WDR7: variants seen among roughly 807,000 people sequenced by gnomAD.
WDR7 encodes the protein WD repeat-containing protein 7.
In WDR7, 46 loss-of-function variants were observed where a neutral mutation model predicts 169.4. That is an observed-to-expected ratio of 0.27 (90% CI 0.21 to 0.35). The LOEUF (loss-of-function observed/expected upper bound fraction) is 0.35. WDR7 is among the 10% of genes least tolerant of loss of function. The pLI is 1.00. For missense variants in WDR7, 1,534 were observed against 1,859.3 expected (o/e 0.83, Z 3.22); for synonymous variants, 612 against 666.8 (o/e 0.92, Z 1.27).
chr18:56,843,923 T>G (rs565355386), intron 20 of WDR7, among the ~76,000 whole-genome samples: 16 of 150,712 alleles, frequency 1.1e-4, no homozygotes, highest in Non-Finnish European at 1.0e-4. Flanking sequence ...AGTGCAGTGG[T>G]ACAATCTTGG....
At chr18:56,768,235 C>A (rs376072605) in intron 16 of WDR7, among the ~76,000 whole-genome samples, 2 of 151,996 alleles carry the variant, frequency 1.3e-5, no homozygotes, top group Non-Finnish European at 2.9e-5. Context: ...GCAGTGAAGG[C>A]GGCTTTGAAA....
chr18:56,674,359 T>C (rs942196844), intron 2 of WDR7, among the ~76,000 whole-genome samples: 15 of 152,166 alleles, frequency 9.9e-5, no homozygotes, highest in Non-Finnish European at 1.3e-4. Context: ...TCATTGTGAT[T>C]TGGGTTTGAA....
intron 9 of WDR7, among the ~76,000 whole-genome samples, chr18:56,692,724 A>C (rs552158681): frequency 6.6e-6 from 1 of 152,300 alleles, no homozygotes; most frequent in East Asian, 1.9e-4. Context: ...AACCAAAAAA[A>C]AAATCATTTT....
At chr18:56,839,631 AAAGCAG>A (rs1402319138) in intron 20 of WDR7, among the ~76,000 whole-genome samples, 1 of 152,244 alleles carries the variant, frequency 6.6e-6, no homozygotes, top group East Asian at 1.9e-4. Context: ...AAAATAGTAT[AAAGCAG>A]AAGACCATGG....
Position 56,756,599 on chromosome 18 carries a change from A to T in WDR7, c.2006A>T (p.Tyr669Phe). The T allele has an allele frequency of 6.3e-7, 1 of 1,581,326 alleles. No individual in the cohort carries two copies. The highest frequency in any genetic ancestry group is 8.6e-7 in the Non-Finnish European group (1 of 1,166,688). Residue 669 changes from tyrosine (Y) to phenylalanine (F), a missense_variant, in exon 15 of 28, where the codon TAT becomes TTT. Coordinates refer to ENST00000254442, the MANE Select transcript of WDR7 (RefSeq NM_015285.3). Reference sequence around the variant, plus strand: ...TTATTACAGGGAAATTTACCTAAATATTCTCATAACTCCCTGATGGTTCAA... The same window carrying T: ...TTATTACAGGGAAATTTACCTAAATTTTCTCATAACTCCCTGATGGTTCAA... ...EASDKGNLPK[Y>F]SHNSLMVQAI...
chr18:56,965,709 T>A (rs887277743), intron 26 of WDR7, among the ~76,000 whole-genome samples: 6 of 152,114 alleles, frequency 3.9e-5, no homozygotes, highest in African/African-American at 1.4e-4. Flanking sequence ...TCCACAAGCC[T>A]AAAATATTAT....
chr18:57,026,619 T>A (rs1291777113), intron 27 of WDR7, among the ~76,000 whole-genome samples: 4 of 152,246 alleles, frequency 2.6e-5, no homozygotes, highest in East Asian at 3.8e-4. Flanking sequence ...TGACTCATCC[T>A]TCAGGGAGTG....
intron 20 of WDR7, among the ~76,000 whole-genome samples, chr18:56,878,407 CT>C (rs972795553): frequency 6.6e-6 from 1 of 152,096 alleles, no homozygotes; most frequent in African/African-American, 2.4e-5. Context: ...AATGTGCTCT[CT>C]TTTTTTCATG....
At chr18:56,788,468 AG>A (rs1362731821) in intron 19 of WDR7, among the ~76,000 whole-genome samples, 2 of 152,106 alleles carry the variant, frequency 1.3e-5, no homozygotes, top group African/African-American at 4.8e-5. Flanking sequence ...TGTGGATGCC[AG>A]GCAACCAAGC....
At chr18:56,802,344 A>G (rs2044689186) in intron 19 of WDR7, among the ~76,000 whole-genome samples, 1 of 151,462 alleles carries the variant, frequency 6.6e-6, no homozygotes, top group African/African-American at 2.4e-5. Flanking sequence ...GTTGCCTAAC[A>G]ATAAAATTTT....
intron 14 of WDR7, among the ~76,000 whole-genome samples, chr18:56,750,333 C>T (rs983920900): frequency 1.3e-5 from 2 of 152,128 alleles, no homozygotes; most frequent in African/African-American, 4.8e-5. Context: ...TATCTTACTA[C>T]CCTTCTAAGT....
intron 19 of WDR7, among the ~76,000 whole-genome samples, chr18:56,785,830 C>CT (rs112540201): frequency 0.12 from 17,215 of 139,728 alleles, 1,232 homozygotes; most frequent in African/African-American, 0.2. Context: ...TTTTCTTTTT[C>CT]TTTTTTTTTT....
intron 20 of WDR7, among the ~76,000 whole-genome samples, chr18:56,823,398 A>G (rs1156978892): frequency 2.0e-5 from 3 of 152,134 alleles, no homozygotes; most frequent in Non-Finnish European, 4.4e-5. Context: ...GTCAACATAT[A>G]GTATAAACCC....
downstream of WDR7, chr18:57,030,118 C>T (rs975858659): frequency 6.6e-6 from 1 of 152,212 alleles, no homozygotes; most frequent in African/African-American, 2.4e-5. Flanking sequence ...TTGGCTGCCT[C>T]TCGGGAGCTA....
At chr18:56,705,190 A>G (rs1006179246) in intron 12 of WDR7, among the ~76,000 whole-genome samples, 2 of 152,186 alleles carry the variant, frequency 1.3e-5, no homozygotes, top group African/African-American at 2.4e-5. Context: ...TTTTAAGTGT[A>G]GTATTCAGTT....
chr18:56,958,112 G>C (rs142799133), intron 25 of WDR7, among the ~76,000 whole-genome samples: 1 of 152,246 alleles, frequency 6.6e-6, no homozygotes, highest in East Asian at 1.9e-4. Context: ...AGAAACTCAG[G>C]TACTGAGTGT....
chr18:56,827,933 A>T (rs2045238037), intron 20 of WDR7, among the ~76,000 whole-genome samples: 1 of 152,214 alleles, frequency 6.6e-6, no homozygotes, highest in Non-Finnish European at 1.5e-5. Flanking sequence ...TGTTTTTAGA[A>T]GAACTGGAGC....
At chr18:56,695,615 A>G (rs1238987841) in intron 11 of WDR7, among the ~76,000 whole-genome samples, 1 of 150,054 alleles carries the variant, frequency 6.7e-6, no homozygotes, top group African/African-American at 2.5e-5. Context: ...TCGGCTCACT[A>G]CAATCTCTGC....
At chr18:56,899,044 A>G (rs2046367665) in intron 21 of WDR7, among the ~76,000 whole-genome samples, 1 of 152,130 alleles carries the variant, frequency 6.6e-6, no homozygotes. Context: ...AGTATAAGTA[A>G]TACTATATTT....
Sources: gnomAD v4.1 joint callset for allele counts (sites outside exome capture counted in the v4.1 genomes callset) on GRCh38, gnomAD v4.1.1 for gene constraint, MANE v1.5 for transcripts, NCBI Gene and HGNC (gene_info 2026-07-23, HGNC 2026-07-21) for gene names.